The following GPC6 variants were observed in gnomAD, a reference collection of about 807,000 sequenced individuals.
The protein encoded by GPC6 is glypican 6.
Under a neutral mutation model 55.2 loss-of-function variants are expected in GPC6, and 14 were observed. The observed-to-expected ratio is 0.25, with a 90% CI of 0.17 to 0.40. The LOEUF (loss-of-function observed/expected upper bound fraction) is 0.40, where lower values mean the gene tolerates loss of function less well. Ranked by LOEUF, GPC6 falls within the 10% of genes least tolerant of loss-of-function variation. GPC6 has a pLI of 1.00. For synonymous variants in GPC6, 278 were observed against 259.6 expected (o/e 1.07, Z -0.68); for missense variants, 641 against 708.5 (o/e 0.90, Z 1.08).
Position 94,215,510 on chromosome 13 carries a change from A to C in GPC6, c.878-70839A>C, listed in dbSNP as rs550912091. 2.0e-5 allele frequency among the ~76,000 whole-genome samples: 3 copies of C among 152,354 alleles called. No individual in the cohort carries two copies. The East Asian group carries it at 5.8e-4, about 29-fold the overall frequency. ...TAAAATGTGAAAACAATGTTCCTTC[A>C]GTGCTCAGTGACCCTATAACTTGCA... On this transcript the variant is annotated intron_variant, in intron 4 of 8. Coordinates refer to ENST00000377047, the MANE Select transcript of GPC6 (RefSeq NM_005708.5).
intron 1 of GPC6, among the ~76,000 whole-genome samples, chr13:93,423,734 G>C (rs989684740): frequency 6.6e-6 from 1 of 152,112 alleles, no homozygotes; most frequent in East Asian, 1.9e-4. Context: ...ACTAATGGAG[G>C]TGTGATCATT....
chr13:93,983,432 T>G (rs1008716055), intron 3 of GPC6, among the ~76,000 whole-genome samples: 1 of 144,382 alleles, frequency 6.9e-6, no homozygotes, highest in South Asian at 2.4e-4. Flanking sequence ...ATTCATCGTG[T>G]TTTTTTTTTA....
chr13:94,117,435 G>A (rs182631665), intron 4 of GPC6, among the ~76,000 whole-genome samples: 21 of 152,164 alleles, frequency 1.4e-4, no homozygotes, highest in African/African-American at 3.6e-4. Flanking sequence ...AATGTCACTC[G>A]GAATTTGGCT....
chr13:94,116,981 T>C (rs748804005), intron 4 of GPC6, among the ~76,000 whole-genome samples: 6 of 151,794 alleles, frequency 4.0e-5, no homozygotes, highest in Non-Finnish European at 5.9e-5. Flanking sequence ...GGGGTTCTTT[T>C]CCCCCCCAAA....
chr13:93,869,758 T>A (rs139560091), intron 3 of GPC6, among the ~76,000 whole-genome samples: 70 of 151,982 alleles, frequency 4.6e-4, no homozygotes, highest in Middle Eastern at 3.4e-3. Context: ...GGGTATTTTC[T>A]ACAGACCTAG....
At chr13:94,055,260 A>G (rs1481506575) in intron 4 of GPC6, among the ~76,000 whole-genome samples, 1 of 152,180 alleles carries the variant, frequency 6.6e-6, no homozygotes, top group Admixed American at 6.6e-5. Context: ...GCAGTTATAT[A>G]CTTTAAATGT....
intron 4 of GPC6, among the ~76,000 whole-genome samples, chr13:94,252,086 G>C (rs529136267): frequency 4.2e-4 from 64 of 152,214 alleles, no homozygotes; most frequent in Middle Eastern, 3.4e-3. Flanking sequence ...AGATGAGACT[G>C]CTGTAATGCT....
At chr13:93,567,665 T>C (rs150822741) in intron 2 of GPC6, among the ~76,000 whole-genome samples, 129 of 152,220 alleles carry the variant, frequency 8.5e-4, no homozygotes, top group African/African-American at 2.8e-3. Flanking sequence ...TCAAAACATT[T>C]TGAATACACT....
intron 2 of GPC6, among the ~76,000 whole-genome samples, chr13:93,777,500 G>C (rs932264077): frequency 1.2e-4 from 19 of 152,284 alleles, no homozygotes; most frequent in African/African-American, 4.6e-4. Context: ...ATTTCATTAA[G>C]TGAATGGCTT....
At chr13:93,393,976 T>G (rs1023008680) in intron 1 of GPC6, among the ~76,000 whole-genome samples, 1 of 152,172 alleles carries the variant, frequency 6.6e-6, no homozygotes, top group African/African-American at 2.4e-5. Context: ...AAAAAAGAGT[T>G]GTCTCTCTTT....
intron 4 of GPC6, among the ~76,000 whole-genome samples, chr13:94,237,959 G>A (rs1354970493): frequency 3.3e-5 from 5 of 152,154 alleles, no homozygotes; most frequent in Non-Finnish European, 7.4e-5. Context: ...TCGAACTAAG[G>A]AGGTAATCAT....
intron 4 of GPC6, among the ~76,000 whole-genome samples, chr13:94,147,812 A>T (rs1418233179): frequency 6.6e-6 from 1 of 152,148 alleles, no homozygotes; most frequent in Non-Finnish European, 1.5e-5. Context: ...TTTACTCATA[A>T]CATTCTTGTA....
chr13:93,808,757 A>G (rs1284775357), intron 2 of GPC6, among the ~76,000 whole-genome samples: 1 of 152,188 alleles, frequency 6.6e-6, no homozygotes, highest in Non-Finnish European at 1.5e-5. Context: ...GACACTCTTT[A>G]TGGTGAGCTT....
At chr13:93,696,741 G>C (rs899888127) in intron 2 of GPC6, among the ~76,000 whole-genome samples, 4 of 151,298 alleles carry the variant, frequency 2.6e-5, no homozygotes, top group African/African-American at 9.7e-5. Flanking sequence ...TCCTGCCTCA[G>C]CCTCCCTAGA....
intron 2 of GPC6, among the ~76,000 whole-genome samples, chr13:93,597,055 C>CTCAAGTAG (rs1209846157): frequency 6.7e-6 from 1 of 149,918 alleles, no homozygotes; most frequent in Non-Finnish European, 1.5e-5. Flanking sequence ...AGTGTTTCAG[C>CTCAAGTAG]TCAAGTAGTC....
chr13:93,504,321 T>G (rs1372989972), intron 1 of GPC6, among the ~76,000 whole-genome samples: 1 of 152,000 alleles, frequency 6.6e-6, no homozygotes, highest in Non-Finnish European at 1.5e-5. Flanking sequence ...AAATATGAGT[T>G]CCAAATATTG....
chr13:93,987,949 C>A (rs1881109468), intron 3 of GPC6, among the ~76,000 whole-genome samples: 1 of 152,084 alleles, frequency 6.6e-6, no homozygotes, highest in South Asian at 2.1e-4. Context: ...TGCCTCTTGT[C>A]CTGCTCCCTT....
At chr13:93,384,885 C>T (rs757529439) in intron 1 of GPC6, among the ~76,000 whole-genome samples, 8 of 152,186 alleles carry the variant, frequency 5.3e-5, no homozygotes, top group East Asian at 1.9e-4. Context: ...CATACAAAAA[C>T]GCATCTTCTG....
rs1888026466 is a variant in GPC6 at position 93,843,279 on chromosome 13, C to A, written c.711+12734C>A. Among the ~76,000 whole-genome samples, 3 of 152,242 alleles carry A rather than the reference C, an allele frequency of 2.0e-5. No homozygotes were observed. The South Asian group carries it at 6.2e-4, about 32-fold the overall frequency. On this transcript the variant is annotated intron_variant, in intron 3 of 8. Coordinates refer to ENST00000377047, the MANE Select transcript of GPC6 (RefSeq NM_005708.5). ...ATGTGTGTGCATGTTTAGCCTGACT[C>A]ACTTTTCACTCTGAATTCCAAGGTA...
Sources: gnomAD v4.1 joint callset for allele counts (sites outside exome capture counted in the v4.1 genomes callset) on GRCh38, gnomAD v4.1.1 for gene constraint, MANE v1.5 for transcripts, NCBI Gene and HGNC (gene_info 2026-07-23, HGNC 2026-07-21) for gene names.